BBS2: variants seen among roughly 807,000 people sequenced by gnomAD.
BBS2 encodes the protein Bardet-Biedl syndrome 2, also known as BBSome complex member BBS2.
In BBS2, 62 loss-of-function variants were observed where a neutral mutation model predicts 83.0. That is an observed-to-expected ratio of 0.75 (90% CI 0.61 to 0.92). BBS2 has a LOEUF of 0.92. Among genes scored for constraint, BBS2 ranks in the 40% least tolerant of loss-of-function variants. The pLI, the probability that BBS2 is intolerant of heterozygous loss-of-function variation, is 0.00. For synonymous variants in BBS2, 303 were observed against 326.1 expected, an observed-to-expected ratio of 0.93 and a Z score of 0.76; for missense variants, 784 against 901.0, an observed-to-expected ratio of 0.87 and a Z score of 1.66.
chr16:56,500,772 C>A, intron 11 of BBS2, 82 bp downstream of exon 11: 1 of 1,445,680 alleles, frequency 6.9e-7, no homozygotes. Context: ...CCCCAAGAAT[C>A]CACTGGGCAT....
chr16:56,505,780 G>C (rs1046701558), intron 7 of BBS2, among the ~76,000 whole-genome samples, 170 bp downstream of exon 7: 6 of 152,144 alleles, frequency 3.9e-5, no homozygotes, highest in Non-Finnish European at 8.8e-5. Flanking sequence ...TGCAGCTCTT[G>C]ACAATGATAG....
chr16:56,507,655 T>A (rs1202983523), intron 5 of BBS2, among the ~76,000 whole-genome samples: 1 of 151,712 alleles, frequency 6.6e-6, no homozygotes, highest in African/African-American at 2.4e-5. Flanking sequence ...AGAAAGCACA[T>A]ATAAGCACAT....
downstream of BBS2, among the ~76,000 whole-genome samples, chr16:56,484,085 C>T (rs1963708384): frequency 6.7e-6 from 1 of 150,048 alleles, no homozygotes; most frequent in African/African-American, 2.5e-5. Flanking sequence ...AGGCTCATTG[C>T]AACCTCTGCC....
exon 18 of BBS2, chr16:56,470,437 C>T (rs752342094): frequency 1.3e-6 from 2 of 1,492,074 alleles, no homozygotes; most frequent in Non-Finnish European, 1.8e-6. Context: ...TTCTGTGAGT[C>T]ATTTTACATC....
downstream of BBS2, among the ~76,000 whole-genome samples, chr16:56,483,239 A>G (rs1261084428): frequency 1.3e-5 from 2 of 152,260 alleles, no homozygotes; most frequent in Non-Finnish European, 2.9e-5. Flanking sequence ...AAGGTACAGT[A>G]AAAATACAGT....
intron 15 of BBS2, among the ~76,000 whole-genome samples, chr16:56,486,799 A>G (rs1963793283): frequency 8.1e-6 from 1 of 124,110 alleles, no homozygotes. Flanking sequence ...CTTGTTGCCC[A>G]GTAAGCTAGA....
At chr16:56,479,708 A>G (rs1433117966), downstream of BBS2, among the ~76,000 whole-genome samples, 4 of 152,250 alleles carry the variant, frequency 2.6e-5, no homozygotes, top group East Asian at 1.9e-4. Flanking sequence ...GCAGGGCCCA[A>G]TGCAGCAGCA....
rs1964683837 is a variant in BBS2 at position 56,514,687 on chromosome 16, C to T, written c.118-7G>A. ...GAGGATTATGAATAAAAACCTGAAA[C>T]AAAAATAACTAATTACATTCCCTTA... On this transcript the variant is annotated splice_region_variant and splice_polypyrimidine_tract_variant and intron_variant, in intron 1 of 16. Coordinates refer to ENST00000245157, the MANE Select transcript of BBS2 (RefSeq NM_031885.5). The T allele has an allele frequency of 6.3e-7, 1 of 1,591,374 alleles. No individual in the cohort carries two copies. Among genetic ancestry groups the T allele is most frequent in the Non-Finnish European group, 8.6e-7 (1 of 1,160,142 alleles).
chr16:56,500,960 G>GT lies in BBS2; in HGVS notation c.1290dup (p.His431ThrfsTer43), dbSNP rs777420525. 6.2e-7 allele frequency: 1 copy of GT among 1,614,146 alleles called. No individual in the cohort carries two copies. Among genetic ancestry groups the GT allele is most frequent in the Non-Finnish European group, 8.5e-7 (1 of 1,179,990 alleles). ...CTGGAGAGGTTGTGAATGCTGGGAT[G>GT]TACCACGTGGCTTTCACCTGTAAAA... On this transcript the variant is annotated frameshift_variant, in exon 11 of 17. Transcript: ENST00000245157. LOFTEE classifies it high-confidence loss of function.
rs1350204706 is a variant in BBS2, at chr16:56,497,052, T to G, written c.1825A>C (p.Lys609Gln). The G allele has an allele frequency of 6.2e-7, 1 of 1,613,864 alleles. No individual in the cohort carries two copies. Among genetic ancestry groups the G allele is most frequent in the Non-Finnish European group, 8.5e-7 (1 of 1,179,728 alleles). The stretch of plus-strand genomic sequence containing the variant: ...TGATCAGCCATATCAGCACTGAGCT[T>G]CTGATGCACTGAATGATATTCATCC... ...KVDEYHSVHQ[K>Q]LSADMADHSN... Residue 609 changes from lysine to glutamine, a missense_variant, in exon 15 of 17, where the codon AAG (lysine) becomes CAG (glutamine). Lys to Gln is a moderately conservative substitution (Grantham distance 53). Transcript: ENST00000245157.
chr16:56,473,567 CATG>C (rs1261261140), intron 17 of BBS2, among the ~76,000 whole-genome samples: 8 of 152,324 alleles, frequency 5.3e-5, no homozygotes, highest in African/African-American at 1.9e-4. Flanking sequence ...CAGCATTGTA[CATG>C]ATGATGTTTT....
chr16:56,516,683 C>T (rs1384048470), intron 1 of BBS2, among the ~76,000 whole-genome samples: 1 of 152,074 alleles, frequency 6.6e-6, no homozygotes, highest in African/African-American at 2.4e-5. Flanking sequence ...GTTGAGCCAC[C>T]ATGCCCGGCC....
At chr16:56,476,189 T>C (rs1011096601) in intron 17 of BBS2, 8 of 1,611,700 alleles carry the variant, frequency 5.0e-6, no homozygotes, top group Non-Finnish European at 6.8e-6. Flanking sequence ...GACTTTTCAT[T>C]CATCTATTAT....
chr16:56,510,838 G>T (rs1229205599), intron 4 of BBS2, 21 bp downstream of exon 4: 4 of 1,612,782 alleles, frequency 2.5e-6, no homozygotes, highest in Non-Finnish European at 3.4e-6. Context: ...ACACAAGAGA[G>T]ATATCTCCTC....
chr16:56,471,561 CTAT>C (rs1963185982), intron 17 of BBS2, among the ~76,000 whole-genome samples: 1 of 152,198 alleles, frequency 6.6e-6, no homozygotes, highest in African/African-American at 2.4e-5. Flanking sequence ...GCACTTACTA[CTAT>C]GTCAGTGAGA....
At chr16:56,512,576 G>A (rs1331349096) in intron 2 of BBS2, among the ~76,000 whole-genome samples, 1 of 152,110 alleles carries the variant, frequency 6.6e-6, no homozygotes, top group Non-Finnish European at 1.5e-5. Context: ...CAACAATATG[G>A]ATAATTCTTA....
chr16:56,516,630 T>C (rs1964757669), intron 1 of BBS2, among the ~76,000 whole-genome samples: 1 of 152,130 alleles, frequency 6.6e-6, no homozygotes, highest in Admixed American at 6.5e-5. Context: ...TAACCTCAGT[T>C]GATCTGCCCC....
chr16:56,503,979 G>C (rs1012135628), intron 7 of BBS2, among the ~76,000 whole-genome samples: 5 of 151,904 alleles, frequency 3.3e-5, no homozygotes, highest in African/African-American at 1.2e-4. Flanking sequence ...TCAACAAAAG[G>C]CTAGCTACAG....
Position 56,500,554 on chromosome 16 carries a change from G to T in BBS2, c.1397+300C>A, listed in dbSNP as rs182606591. ...GCAGAAGAATTGCTTGAACCCAGGA[G>T]GTAGAGGTTGCAGTGAACTGAGATT... On this transcript the variant is annotated intron_variant, in intron 11 of 16. Transcript: ENST00000245157. 451 of 350,720 alleles carry T rather than the reference G, an allele frequency of 1.3e-3. 2 individuals are homozygous for T. The highest frequency in any genetic ancestry group is 9.1e-3 in the African/African-American group (429 of 46,914). The allele number at this position is 350,720 out of a possible 1,614,324, so 21.7% of individuals were successfully genotyped here.
Sources: gnomAD v4.1 joint callset for allele counts (sites outside exome capture counted in the v4.1 genomes callset) on GRCh38, gnomAD v4.1.1 for gene constraint, MANE v1.5 for transcripts, NCBI Gene and HGNC (gene_info 2026-07-23, HGNC 2026-07-21) for gene names.